ACTL8: variants seen among roughly 807,000 people sequenced by gnomAD.
The protein encoded by ACTL8 is actin-like protein 8.
In ACTL8, 3 loss-of-function variants were observed where a neutral mutation model predicts 9.3. The observed-to-expected ratio is 0.32, with a 90% CI of 0.15 to 0.83. ACTL8 has a LOEUF of 0.83. Ranked by LOEUF, ACTL8 falls within the 40% of genes least tolerant of loss-of-function variation. The probability of loss-of-function intolerance (pLI) is 0.57; values close to 1 mark genes in which losing one functional copy is unlikely to be tolerated. For missense variants in ACTL8, 381 were observed against 492.2 expected, an observed-to-expected ratio of 0.77 and a Z score of 2.14; for synonymous variants, 224 against 205.9, an observed-to-expected ratio of 1.09 and a Z score of -0.75.
At chr1:17,774,562 G>A (rs191892940) in intron 1 of ACTL8, among the ~76,000 whole-genome samples, 95 of 152,270 alleles carry the variant, frequency 6.2e-4, no homozygotes, top group Middle Eastern at 3.4e-3. Flanking sequence ...TTATGAAGGA[G>A]CAGGGTGTGC....
intron 1 of ACTL8, among the ~76,000 whole-genome samples, chr1:17,817,409 A>G (rs1329283715): frequency 1.3e-5 from 2 of 152,146 alleles, no homozygotes; most frequent in Admixed American, 1.3e-4. Flanking sequence ...GCTTTAGCCA[A>G]GGCTGCTGGT....
rs370630395 is a variant in ACTL8 at position 17,825,850 on chromosome 1, C to G, written c.432C>G (p.Thr144=). ...CCCTGTATGCCTCTGGCCTCCTGACCGGAGTGGTGGTTGATTCTGGCTATG... is the reference window on the plus strand; with the variant it reads ...CCCTGTATGCCTCTGGCCTCCTGACGGGAGTGGTGGTTGATTCTGGCTATG... ...QMSLYASGLL[T]GVVVDSGYGL... Residue 144 remains threonine (T), a synonymous_variant, in exon 3 of 3, where the codon ACC becomes ACG. Coordinates refer to ENST00000375406, the MANE Select transcript of ACTL8 (RefSeq NM_030812.3). 4 of 1,613,978 alleles carry G rather than the reference C, an allele frequency of 2.5e-6. No individual in the cohort carries two copies. The African/African-American group carries it at 4.0e-5, about 16-fold the overall frequency.
At chr1:17,801,960 G>A (rs1014078618) in intron 1 of ACTL8, among the ~76,000 whole-genome samples, 12 of 152,244 alleles carry the variant, frequency 7.9e-5, no homozygotes, top group Middle Eastern at 3.4e-3. Context: ...TCAGGGTTTC[G>A]AAATGTTCCC....
chr1:17,782,731 G>A (rs2066165765), intron 1 of ACTL8, among the ~76,000 whole-genome samples: 1 of 152,192 alleles, frequency 6.6e-6, no homozygotes, highest in Non-Finnish European at 1.5e-5. Flanking sequence ...CAATTCTGTA[G>A]TGAACATCCT....
intron 2 of ACTL8, among the ~76,000 whole-genome samples, chr1:17,825,389 G>A (rs1297817094): frequency 2.6e-5 from 4 of 151,518 alleles, no homozygotes; most frequent in South Asian, 2.1e-4. Flanking sequence ...TGGTGAATAC[G>A]CAACACTTGT....
chr1:17,825,726 G>A (rs1391810837), intron 2 of ACTL8, 41 bp from the exon 3 acceptor site: 2 of 1,586,102 alleles, frequency 1.3e-6, no homozygotes, highest in Admixed American at 1.7e-5. Context: ...TGCTGAGCAG[G>A]CTGGGGGGAA....
At chr1:17,793,262 C>T (rs1001932611) in intron 1 of ACTL8, among the ~76,000 whole-genome samples, 1 of 152,210 alleles carries the variant, frequency 6.6e-6, no homozygotes, top group Admixed American at 6.5e-5. Context: ...CTGGGGCTCC[C>T]TGGAAGGGTC....
chr1:17,790,281 C>CCTTCT (rs2066230246), intron 1 of ACTL8, among the ~76,000 whole-genome samples: 1 of 152,222 alleles, frequency 6.6e-6, no homozygotes, highest in African/African-American at 2.4e-5. Flanking sequence ...AGGGCCACAG[C>CCTTCT]TCTTCTCTTC....
In ACTL8 at chr1:17,823,849, G is replaced by T. The variant is rs2053686803; in HGVS notation, c.348+493G>T. Among the ~76,000 whole-genome samples, 1 of 152,210 alleles carries T rather than the reference G, an allele frequency of 6.6e-6. No individual in the cohort carries two copies. The highest frequency in any genetic ancestry group is 2.4e-5 in the African/African-American group (1 of 41,442). Reference sequence around the variant, plus strand: ...AGGGGAGCTCACGGAGGCCCCACCTGCAGACGGACATGCAGCAACCAACGT... The same window carrying T: ...AGGGGAGCTCACGGAGGCCCCACCTTCAGACGGACATGCAGCAACCAACGT... On this transcript the variant is annotated intron_variant, in intron 2 of 2. Transcript: ENST00000375406. The surrounding 1 kb of genome is among the most constrained non-coding windows in gnomAD (Gnocchi z 5.3).
intron 1 of ACTL8, among the ~76,000 whole-genome samples, chr1:17,771,075 G>A (rs567070210): frequency 1.4e-4 from 22 of 152,236 alleles, no homozygotes; most frequent in South Asian, 8.3e-4. Flanking sequence ...GAACAGGGGC[G>A]GCAAACTTTT....
At chr1:17,808,357 C>T (rs980027335) in intron 1 of ACTL8, among the ~76,000 whole-genome samples, 3 of 152,202 alleles carry the variant, frequency 2.0e-5, no homozygotes, top group African/African-American at 7.2e-5. Flanking sequence ...ATTGTTAGTC[C>T]TTTCATCTGT....
intron 1 of ACTL8, among the ~76,000 whole-genome samples, chr1:17,789,955 A>G (rs1048188231): frequency 6.6e-6 from 1 of 152,212 alleles, no homozygotes; most frequent in African/African-American, 2.4e-5. Flanking sequence ...GGCTCATGCC[A>G]CTGGCCTGGG....
At chr1:17,809,942 A>G (rs1033838800) in intron 1 of ACTL8, among the ~76,000 whole-genome samples, 2 of 152,192 alleles carry the variant, frequency 1.3e-5, no homozygotes, top group African/African-American at 4.8e-5. Flanking sequence ...ACTGGTGCCA[A>G]AAAGGTTGGG....
intron 1 of ACTL8, among the ~76,000 whole-genome samples, chr1:17,813,877 T>A (rs1454181790): frequency 6.6e-6 from 1 of 152,242 alleles, no homozygotes; most frequent in African/African-American, 2.4e-5. Context: ...CTATTTTACC[T>A]AAATTGTCAA....
At chr1:17,824,831 A>G (rs2053700124) in intron 2 of ACTL8, among the ~76,000 whole-genome samples, 1 of 151,796 alleles carries the variant, frequency 6.6e-6, no homozygotes, top group Admixed American at 6.6e-5. Flanking sequence ...TAAATGGGGG[A>G]GTTGTATCTG....
At chr1:17,806,900 A>G (rs948911263) in intron 1 of ACTL8, among the ~76,000 whole-genome samples, 2 of 152,202 alleles carry the variant, frequency 1.3e-5, no homozygotes, top group Non-Finnish European at 2.9e-5. Flanking sequence ...GGAGGTCAGA[A>G]GCACGGGATG....
intron 1 of ACTL8, among the ~76,000 whole-genome samples, chr1:17,804,402 G>A (rs2066343220): frequency 6.6e-6 from 1 of 152,114 alleles, no homozygotes; most frequent in African/African-American, 2.4e-5. Flanking sequence ...TTGTCAAAAG[G>A]TTGGGCTGTA....
intron 1 of ACTL8, among the ~76,000 whole-genome samples, chr1:17,804,208 T>A (rs2066342416): frequency 6.6e-6 from 1 of 152,180 alleles, no homozygotes; most frequent in African/African-American, 2.4e-5. Context: ...CAGGCTGTAG[T>A]GGGAAACACT....
At chr1:17,805,236 G>T (rs1047643414) in intron 1 of ACTL8, among the ~76,000 whole-genome samples, 7 of 151,874 alleles carry the variant, frequency 4.6e-5, no homozygotes, top group Admixed American at 4.6e-4. Context: ...ACTACTTTGG[G>T]GTCTTGGCCA....
Sources: gnomAD v4.1 joint callset for allele counts (sites outside exome capture counted in the v4.1 genomes callset) on GRCh38, gnomAD v4.1.1 for gene constraint, Gnocchi (gnomAD v3.1) non-coding constraint, MANE v1.5 for transcripts, NCBI Gene and HGNC (gene_info 2026-07-23, HGNC 2026-07-21) for gene names.